Variants in FGD3 observed in about 807,000 individuals in gnomAD.
The protein encoded by FGD3 is FYVE, RhoGEF and PH domain-containing protein 3.
A neutral mutation model predicts 71.8 loss-of-function variants in FGD3; 45 were observed. The ratio of observed to expected loss-of-function variants is 0.63; its 90% CI spans 0.49 to 0.80. The LOEUF (loss-of-function observed/expected upper bound fraction) is 0.80. Ranked by LOEUF, FGD3 falls within the 30% of genes least tolerant of loss-of-function variation. The pLI is 0.00. For missense variants in FGD3, 844 were observed against 951.5 expected (o/e 0.89, Z 1.49); for synonymous variants, 378 against 392.8 (o/e 0.96, Z 0.44).
chr9:93,005,268 G>A (rs1169953669), intron 5 of FGD3, among the ~76,000 whole-genome samples: 4 of 152,028 alleles, frequency 2.6e-5, no homozygotes, highest in East Asian at 1.9e-4. Flanking sequence ...GACTGCAGGC[G>A]CCCGCCACCA....
chr9:92,981,125 T>G (rs951369934), intron 3 of FGD3, among the ~76,000 whole-genome samples: 5 of 151,890 alleles, frequency 3.3e-5, no homozygotes, highest in African/African-American at 1.2e-4. Flanking sequence ...TCCCAGCACT[T>G]TGGGAGGCCG....
In FGD3 at chr9:93,022,397, C is replaced by T. The variant is rs758898017; in HGVS notation, c.1557+8C>T. 1.9e-6 allele frequency: 3 copies of T among 1,611,470 alleles called. No individual in the cohort carries two copies. Among genetic ancestry groups the T allele is most frequent in the Admixed American group, 1.7e-5 (1 of 59,990 alleles). On this transcript the variant is annotated splice_region_variant and intron_variant, in intron 14 of 17. Transcript: ENST00000375482. ...AGTTCGGGTGCAGCAGGGGTAAGTG[C>T]CCCATGCTCAGCGGTCAGCAGGGGT...
chr9:93,004,248 G>A, intron 5 of FGD3, 111 bp downstream of exon 5: 1 of 1,413,444 alleles, frequency 7.1e-7, no homozygotes, highest in Admixed American at 1.8e-5. Flanking sequence ...GTGGCTGGGC[G>A]CCTCCCTTCT....
intron 15 of FGD3, among the ~76,000 whole-genome samples, chr9:93,031,266 G>A (rs1862347261): frequency 6.6e-6 from 1 of 152,216 alleles, no homozygotes; most frequent in Admixed American, 6.5e-5. Flanking sequence ...GACCTGAGGA[G>A]AGAATCTGTT....
At chr9:92,985,088 C>T (rs949086435) in intron 3 of FGD3, among the ~76,000 whole-genome samples, 7 of 152,176 alleles carry the variant, frequency 4.6e-5, no homozygotes, top group South Asian at 2.1e-4. Flanking sequence ...AAAGCAGTCC[C>T]GTTTCCAGTG....
At chr9:92,974,947 T>C (rs886772572) in intron 1 of FGD3, among the ~76,000 whole-genome samples, 8 of 152,194 alleles carry the variant, frequency 5.3e-5, no homozygotes, top group African/African-American at 1.9e-4. Context: ...GGATGCTGCA[T>C]GGCAAGGGAC....
At chr9:92,976,754 C>T in intron 3 of FGD3, 45 bp downstream of exon 3, 1 of 1,498,818 alleles carries the variant, frequency 6.7e-7, no homozygotes, top group Non-Finnish European at 8.9e-7. Flanking sequence ...GCAGGCCTTT[C>T]CTTAGGAGGG....
chr9:93,008,044 TA>T (rs1861140046), intron 6 of FGD3, among the ~76,000 whole-genome samples: 1 of 152,244 alleles, frequency 6.6e-6, no homozygotes, highest in African/African-American at 2.4e-5. Flanking sequence ...TTTTAAACGT[TA>T]AACTTTTATT....
intron 1 of FGD3, among the ~76,000 whole-genome samples, chr9:92,966,884 T>C (rs576162676): frequency 8.3e-4 from 127 of 152,346 alleles, no homozygotes; most frequent in Non-Finnish European, 1.4e-3. Context: ...CTTCTGCATA[T>C]GTTTAAAAAA....
At chr9:92,948,598 C>T (rs954934190) in intron 1 of FGD3, among the ~76,000 whole-genome samples, 10 of 152,036 alleles carry the variant, frequency 6.6e-5, no homozygotes, top group African/African-American at 1.7e-4. Context: ...ACAATGAGTG[C>T]GTGTGTGTGT....
chr9:92,957,647 A>G (rs1859084811), intron 1 of FGD3, among the ~76,000 whole-genome samples: 1 of 138,542 alleles, frequency 7.2e-6, no homozygotes, highest in Non-Finnish European at 1.6e-5. Context: ...TTTTCTCCCA[A>G]TCTGTGATTT....
intron 2 of FGD3, 91 bp from the exon 3 acceptor site, chr9:92,976,117 G>A: frequency 1.3e-6 from 1 of 758,562 alleles, no homozygotes; most frequent in Non-Finnish European, 2.1e-6. Context: ...GGGGCGGAGG[G>A]TACTGCCTGG....
intron 3 of FGD3, among the ~76,000 whole-genome samples, chr9:92,978,354 A>G (rs1292055205): frequency 6.6e-6 from 1 of 152,040 alleles, no homozygotes; most frequent in Admixed American, 6.6e-5. Context: ...TAAACAAGCA[A>G]TAAGCAATAT....
chr9:93,031,709 G>T (rs544355102), intron 15 of FGD3, among the ~76,000 whole-genome samples: 1 of 152,196 alleles, frequency 6.6e-6, no homozygotes, highest in Non-Finnish European at 1.5e-5. Flanking sequence ...GCCAGTGCCT[G>T]CAGGTTTAGG....
chr9:92,980,322 CT>C (rs1175456322), intron 3 of FGD3, among the ~76,000 whole-genome samples: 3 of 152,070 alleles, frequency 2.0e-5, no homozygotes, highest in African/African-American at 4.8e-5. Flanking sequence ...TCCCAGCCTC[CT>C]TTTTTCTTAG....
chr9:92,966,440 T>C (rs1859329109), intron 1 of FGD3, among the ~76,000 whole-genome samples: 1 of 152,202 alleles, frequency 6.6e-6, no homozygotes, highest in African/African-American at 2.4e-5. Flanking sequence ...AAATGGTTGC[T>C]GCATTTTCCC....
intron 14 of FGD3, among the ~76,000 whole-genome samples, chr9:93,024,210 A>G (rs776836131): frequency 6.6e-6 from 1 of 152,236 alleles, no homozygotes; most frequent in East Asian, 1.9e-4. Flanking sequence ...GAAAGTTATG[A>G]AAAGCAATGT....
At chr9:93,010,125 A>G in intron 6 of FGD3, 121 bp from the exon 7 acceptor site, 10 of 1,195,544 alleles carry the variant, frequency 8.4e-6, no homozygotes, top group Non-Finnish European at 1.2e-5. Flanking sequence ...GTCTTGAAGG[A>G]CAGTCAGTTC....
chr9:93,008,592 A>T (rs913770712), intron 6 of FGD3, among the ~76,000 whole-genome samples: 2 of 152,186 alleles, frequency 1.3e-5, no homozygotes, highest in African/African-American at 2.4e-5. Flanking sequence ...CAGTCTCTGC[A>T]TCCCATTCCT....
Sources: gnomAD v4.1 joint callset for allele counts (sites outside exome capture counted in the v4.1 genomes callset) on GRCh38, gnomAD v4.1.1 for gene constraint, MANE v1.5 for transcripts, NCBI Gene and HGNC (gene_info 2026-07-23, HGNC 2026-07-21) for gene names.